The following NLRP1 variants were observed in gnomAD, a reference collection of about 807,000 sequenced individuals.
NLRP1 encodes the protein NACHT, LRR and PYD domains-containing protein 1.
A neutral mutation model predicts 136.7 loss-of-function variants in NLRP1; 94 were observed. The ratio of observed to expected loss-of-function variants is 0.69; its 90% CI spans 0.58 to 0.82. The LOEUF is 0.82. Ranked by LOEUF, NLRP1 falls within the 40% of genes least tolerant of loss-of-function variation. The pLI is 0.00. For missense variants in NLRP1, 1,575 were observed against 1,802.7 expected (o/e 0.87, Z 2.29); for synonymous variants, 690 against 725.1 (o/e 0.95, Z 0.78).
At chr17:5,506,284 C>CAA (rs201536042) in intron 15 of NLRP1, among the ~76,000 whole-genome samples, 1 of 127,152 alleles carries the variant, frequency 7.9e-6, no homozygotes. Flanking sequence ...AAGTCTGTCT[C>CAA]AAAAAAAAAA....
chr17:5,532,915 A>T lies in NLRP1; in HGVS notation c.3203T>A (p.Leu1068Gln). ...GTCAGTCCCCAAAGGCTTCGTATGCAGGTCCCCTTGAGAGGCAGGAGAAGG... is the reference window on the plus strand; with the variant it reads ...GTCAGTCCCCAAAGGCTTCGTATGCTGGTCCCCTTGAGAGGCAGGAGAAGG... ...CVPSPASQGD[L>Q]HTKPLGTDDD... The change falls in exon 11 of 17, where the codon CTG becomes CAG. Residue 1068 changes from leucine (L) to glutamine (Q), a missense_variant. Leu to Gln is a moderately radical substitution (Grantham distance 113). Coordinates refer to ENST00000572272, the MANE Select transcript of NLRP1 (RefSeq NM_033004.4). The T allele has an allele frequency of 6.2e-7, 1 of 1,614,020 alleles. No homozygotes were observed. Among genetic ancestry groups the T allele is most frequent in the Non-Finnish European group, 8.5e-7 (1 of 1,179,900 alleles).
chr17:5,531,149 T>TCTAC lies in NLRP1; in HGVS notation c.3297-446_3297-445insGTAG. On this transcript the variant is annotated intron_variant, in intron 11 of 16. Transcript: ENST00000572272. Reference sequence around the variant, plus strand: ...TTATCTGTCTTGTCTTGTCTGTCTATCTATCTATCTATCTAATCTATCTAA... The same window carrying TCTAC: ...TTATCTGTCTTGTCTTGTCTGTCTATCTACCTATCTATCTATCTAATCTATCTAA... 1.2e-4 allele frequency among the ~76,000 whole-genome samples: 7 copies of TCTAC among 59,108 alleles called. No individual in the cohort carries two copies. The Admixed American group carries it at 1.4e-3, about 12-fold the overall frequency. The allele number at this position is 59,108 out of a possible 152,430, so 38.8% of individuals were successfully genotyped here.
chr17:5,528,914 C>T (rs564916415), intron 12 of NLRP1, among the ~76,000 whole-genome samples: 1 of 152,296 alleles, frequency 6.6e-6, no homozygotes, highest in South Asian at 2.1e-4. Context: ...GTGCTTATAA[C>T]TGATGTAAGC....
intron 4 of NLRP1, among the ~76,000 whole-genome samples, chr17:5,557,158 C>T (rs1914184870): frequency 6.6e-6 from 1 of 151,852 alleles, no homozygotes; most frequent in Non-Finnish European, 1.5e-5. Flanking sequence ...CGTGTGCCAC[C>T]ATGCCCAGAT....
intron 4 of NLRP1, among the ~76,000 whole-genome samples, chr17:5,554,993 C>G (rs1913858093): frequency 6.8e-6 from 1 of 147,696 alleles, no homozygotes; most frequent in East Asian, 2.0e-4. Flanking sequence ...CTGCACTATT[C>G]CTGGGAGACA....
In NLRP1 at chr17:5,553,412, G is replaced by T. The variant is rs1419256442; in HGVS notation, c.2502C>A (p.Arg834=). 8 of 1,613,686 alleles carry T rather than the reference G, an allele frequency of 5.0e-6. No homozygotes were observed. The highest frequency in any genetic ancestry group is 5.1e-6 in the Non-Finnish European group (6 of 1,179,764). Residue 834 remains arginine, a synonymous_variant, in exon 5 of 17, where the codon CGC becomes CGA. Coordinates refer to ENST00000572272, the MANE Select transcript of NLRP1 (RefSeq NM_033004.4). Reference sequence around the variant, plus strand: ...GCAGGGTCTCCAGGAGGCAGCGAGGGCGTCTCAGGGTCTTACAAAGACTCT... The same window carrying T: ...GCAGGGTCTCCAGGAGGCAGCGAGGTCGTCTCAGGGTCTTACAAAGACTCT... ...AVKSLCKTLR[R]PRCLLETLRL...
chr17:5,540,359 T>G (rs1012245761), intron 6 of NLRP1, among the ~76,000 whole-genome samples: 3 of 152,156 alleles, frequency 2.0e-5, no homozygotes, highest in African/African-American at 7.2e-5. Flanking sequence ...ACCTGCTGTA[T>G]GTTGTATATA....
At position 5,583,356 on chromosome 17, in the gene NLRP1, G is replaced by A. The variant is rs1905918126; in HGVS notation, c.271+331C>T. On this transcript the variant is annotated intron_variant, in intron 1 of 16. Coordinates refer to ENST00000572272, the MANE Select transcript of NLRP1 (RefSeq NM_033004.4). The surrounding 1 kb of genome is among the most constrained non-coding windows in gnomAD (Gnocchi z 4.5). The stretch of plus-strand genomic sequence containing the variant: ...CAGACAGAGAAATAGGCAGAGAGCA[G>A]TGAAGTGATTGGCCCAGGGTGATAG... Among the ~76,000 whole-genome samples, 1 of 152,224 alleles carries A rather than the reference G, an allele frequency of 6.6e-6. No homozygotes were observed. Among genetic ancestry groups the A allele is most frequent in the Middle Eastern group, 3.2e-3 (1 of 316 alleles).
intron 3 of NLRP1, among the ~76,000 whole-genome samples, chr17:5,576,239 T>A (rs1421985071): frequency 6.6e-6 from 1 of 152,060 alleles, no homozygotes; most frequent in Non-Finnish European, 1.5e-5. Flanking sequence ...AGCAAACACA[T>A]TCAAAAGCTA....
At chr17:5,570,353 G>T (rs1915739087) in intron 3 of NLRP1, among the ~76,000 whole-genome samples, 1 of 147,068 alleles carries the variant, frequency 6.8e-6, no homozygotes, top group South Asian at 2.2e-4. Flanking sequence ...AAGATCGATA[G>T]ACCACTAGCT....
chr17:5,517,908 G>A (rs1320948193), intron 14 of NLRP1, 21 bp from the exon 15 acceptor site: 12 of 1,613,002 alleles, frequency 7.4e-6, no homozygotes, highest in Non-Finnish European at 1.0e-5. Context: ...AAAGAGTTGA[G>A]TTGCCACCCT....
At chr17:5,555,083 C>T (rs954984194) in intron 4 of NLRP1, among the ~76,000 whole-genome samples, 4 of 151,710 alleles carry the variant, frequency 2.6e-5, no homozygotes, top group Non-Finnish European at 5.9e-5. Flanking sequence ...TGAAAGCTTA[C>T]TTGAATTTCT....
intron 12 of NLRP1, among the ~76,000 whole-genome samples, chr17:5,526,885 T>C (rs988100499): frequency 6.6e-6 from 1 of 152,220 alleles, no homozygotes; most frequent in African/African-American, 2.4e-5. Flanking sequence ...GCTCTAGCTA[T>C]AGTGGGAGAA....
At chr17:5,581,033 T>A (rs1448482441) in intron 3 of NLRP1, among the ~76,000 whole-genome samples, 2 of 152,240 alleles carry the variant, frequency 1.3e-5, no homozygotes, top group Non-Finnish European at 2.9e-5. Flanking sequence ...TTAAGTAAAC[T>A]GATATACTTT....
intron 5 of NLRP1, among the ~76,000 whole-genome samples, chr17:5,551,714 G>T (rs1913380797): frequency 6.6e-6 from 1 of 152,034 alleles, no homozygotes; most frequent in African/African-American, 2.4e-5. Context: ...TTTGGATTTT[G>T]GCCATTCTGA....
At chr17:5,544,389 A>G (rs1012296602) in intron 5 of NLRP1, among the ~76,000 whole-genome samples, 1 of 152,164 alleles carries the variant, frequency 6.6e-6, no homozygotes, top group African/African-American at 2.4e-5. Flanking sequence ...AATACCCTGG[A>G]GGGTCTCCCA....
intron 15 of NLRP1, chr17:5,502,324 C>T (rs1453472340): frequency 1.7e-5 from 3 of 177,032 alleles, no homozygotes; most frequent in Non-Finnish European, 3.6e-5. Context: ...GGGTCTTGCT[C>T]TGTTGTCCAG....
intron 3 of NLRP1, among the ~76,000 whole-genome samples, chr17:5,561,983 T>A (rs1254596486): frequency 1.3e-5 from 2 of 151,654 alleles, no homozygotes; most frequent in African/African-American, 2.4e-5. Context: ...CTCCTAGCCA[T>A]GCAGGCCATG....
At chr17:5,561,969 G>A (rs1018688096) in intron 3 of NLRP1, among the ~76,000 whole-genome samples, 10 of 152,248 alleles carry the variant, frequency 6.6e-5, no homozygotes, top group South Asian at 2.1e-4. Context: ...ACCCACCACC[G>A]CCTCTCCTAG....
Sources: allele counts gnomAD v4.1 joint callset (sites outside exome capture counted in the v4.1 genomes callset), GRCh38; gene constraint gnomAD v4.1.1; non-coding constraint Gnocchi (gnomAD v3.1); transcripts MANE v1.5; gene names NCBI Gene and HGNC (gene_info 2026-07-23, HGNC 2026-07-21).